The following PCDHA1 variants were observed in gnomAD, a reference collection of about 807,000 sequenced individuals.
PCDHA1 encodes the protein protocadherin alpha-1.
In PCDHA1, 42 loss-of-function variants were observed where a neutral mutation model predicts 61.3. That is an observed-to-expected ratio of 0.69 (90% confidence interval 0.54 to 0.89). The LOEUF is 0.89. PCDHA1 is among the 40% of genes least tolerant of loss of function. The pLI is 0.00. For missense variants in PCDHA1, 1,256 were observed against 1,235.3 expected (o/e 1.02, Z -0.25); for synonymous variants, 610 against 553.8 (o/e 1.10, Z -1.43).
At chr5:140,935,134 T>G (rs1358918679) in intron 1 of PCDHA1, among the ~76,000 whole-genome samples, 1 of 152,210 alleles carries the variant, frequency 6.6e-6, no homozygotes. Context: ...TAGTGAAAGA[T>G]GATACTTAGA....
chr5:140,862,622 G>T (rs2047457580), intron 1 of PCDHA1: 8 of 530,260 alleles, frequency 1.5e-5, no homozygotes, highest in South Asian at 1.1e-4. Context: ...AACAACCCGC[G>T]GGGCTGCCAC....
chr5:141,005,737 G>A (rs568489145), intron 3 of PCDHA1, among the ~76,000 whole-genome samples: 173 of 143,620 alleles, frequency 1.2e-3, no homozygotes, highest in African/African-American at 4.5e-3. Flanking sequence ...AAAAAGAATG[G>A]ATGAGAAATC....
intron 1 of PCDHA1, among the ~76,000 whole-genome samples, chr5:140,884,988 A>G (rs2060423125): frequency 6.6e-6 from 1 of 152,242 alleles, no homozygotes; most frequent in African/African-American, 2.4e-5. Context: ...CATTTAGAAA[A>G]TGTTTGTTTT....
At chr5:140,838,344 G>A (rs1185722843) in intron 1 of PCDHA1, among the ~76,000 whole-genome samples, 1 of 148,412 alleles carries the variant, frequency 6.7e-6, no homozygotes, top group African/African-American at 2.5e-5. Context: ...GGCTGGTCTC[G>A]AAATCTGGGA....
chr5:140,938,599 C>T (rs1554212246), intron 1 of PCDHA1, among the ~76,000 whole-genome samples: 1 of 152,048 alleles, frequency 6.6e-6, no homozygotes, highest in African/African-American at 2.4e-5. Flanking sequence ...ATAAACCAAT[C>T]TTGCATTCTT....
chr5:140,821,991 C>A (rs782271106), intron 1 of PCDHA1: 2 of 1,614,008 alleles, frequency 1.2e-6, no homozygotes, highest in Non-Finnish European at 1.7e-6. Context: ...GCCGCGGGGA[C>A]CTTCTGGAGG....
intron 3 of PCDHA1, among the ~76,000 whole-genome samples, chr5:140,983,854 T>A (rs1554245766): frequency 6.6e-6 from 1 of 152,206 alleles, no homozygotes; most frequent in Non-Finnish European, 1.5e-5. Flanking sequence ...TTAAGTAACA[T>A]GCAGCTAAGG....
chr5:140,791,479 TG>T (rs1761653813), intron 1 of PCDHA1, among the ~76,000 whole-genome samples: 3 of 152,228 alleles, frequency 2.0e-5, no homozygotes, highest in Non-Finnish European at 4.4e-5. Context: ...AATAAAATTA[TG>T]TTTATTTTAG....
At chr5:140,937,788 T>C (rs2091751340) in intron 1 of PCDHA1, among the ~76,000 whole-genome samples, 1 of 149,320 alleles carries the variant, frequency 6.7e-6, no homozygotes, top group African/African-American at 2.5e-5. Flanking sequence ...GGCGGGCGTA[T>C]GTAGTCCCAG....
chr5:140,840,040 A>T (rs1247550432), intron 1 of PCDHA1, among the ~76,000 whole-genome samples: 1 of 152,076 alleles, frequency 6.6e-6, no homozygotes, highest in Admixed American at 6.6e-5. Context: ...TATCTCCCAG[A>T]TGGAAGTCTA....
chr5:140,823,375 G>T, intron 1 of PCDHA1: 1 of 1,612,808 alleles, frequency 6.2e-7, no homozygotes, highest in Non-Finnish European at 8.5e-7. Context: ...GCAGTTCCAG[G>T]TGAGCGCGCG....
chr5:140,997,719 C>T (rs1456038917), intron 3 of PCDHA1, among the ~76,000 whole-genome samples: 1 of 150,932 alleles, frequency 6.6e-6, no homozygotes, highest in East Asian at 1.9e-4. Context: ...CACCTTTCTA[C>T]GTCAGTACAT....
rs372058384 is a variant in PCDHA1, at chr5:140,875,718, C to T, written c.2394+87034C>T. ...TTCTGGAGGTAAATCTGCAGAATGGCATTTTGTTTGTGAATTCTCGGATCG... is the reference window on the plus strand; with the variant it reads ...TTCTGGAGGTAAATCTGCAGAATGGTATTTTGTTTGTGAATTCTCGGATCG... On this transcript the variant is annotated intron_variant, in intron 1 of 3. Coordinates refer to ENST00000504120, the MANE Select transcript of PCDHA1 (RefSeq NM_018900.4). 2.4e-5 allele frequency: 38 copies of T among 1,614,182 alleles called. 1 individual carries two copies. The highest frequency in any genetic ancestry group is 2.7e-5 in the Non-Finnish European group (32 of 1,180,048).
rs781902121 is a variant in PCDHA1 at position 140,870,112 on chromosome 5, G to A, written c.2394+81428G>A. The A allele has an allele frequency of 1.2e-6, 2 of 1,613,938 alleles. No individual in the cohort carries two copies. The highest frequency in any genetic ancestry group is 8.5e-7 in the Non-Finnish European group (1 of 1,179,896). ...AATGGCAGGTCACTGTACAGTCTGG[G>A]TGGAAATCTTGGACACCAACGATAA... On this transcript the variant is annotated intron_variant, in intron 1 of 3. Coordinates refer to ENST00000504120, the MANE Select transcript of PCDHA1 (RefSeq NM_018900.4).
chr5:140,808,859 G>A (rs267600385), intron 1 of PCDHA1: 1 of 1,613,150 alleles, frequency 6.2e-7, no homozygotes, highest in East Asian at 2.2e-5. Flanking sequence ...CGTGCTGGAC[G>A]AAAACGACAA....
intron 1 of PCDHA1, chr5:140,854,137 G>A (rs1297927276): frequency 9.5e-6 from 4 of 422,564 alleles, no homozygotes; most frequent in Non-Finnish European, 9.2e-6. Context: ...ATTTCAGCCC[G>A]GGTGACAGCA....
intron 1 of PCDHA1, chr5:140,823,692 C>T (rs2150128224): frequency 2.5e-6 from 4 of 1,613,934 alleles, no homozygotes; most frequent in South Asian, 1.1e-5. Context: ...TGGATGAGAC[C>T]GAAGCACCGC....
intron 1 of PCDHA1, chr5:140,868,781 A>G (rs868977486): frequency 3.0e-5 from 9 of 299,116 alleles, no homozygotes; most frequent in African/African-American, 1.5e-4. Flanking sequence ...ATGACTTATA[A>G]TCTGAATATT....
At chr5:140,834,566 G>A (rs2150221246) in intron 1 of PCDHA1, 1 of 1,614,096 alleles carries the variant, frequency 6.2e-7, no homozygotes, top group South Asian at 1.1e-5. Context: ...AGCTGGTGCC[G>A]CGCCTGTTCC....
Sources: gnomAD v4.1 joint callset for allele counts (sites outside exome capture counted in the v4.1 genomes callset) on GRCh38, gnomAD v4.1.1 for gene constraint, MANE v1.5 for transcripts, NCBI Gene and HGNC (gene_info 2026-07-23, HGNC 2026-07-21) for gene names.